Variants in ARHGAP26 observed in about 807,000 individuals in gnomAD.
The protein encoded by ARHGAP26 is Rho GTPase activating protein 26.
Under a neutral mutation model 104.8 loss-of-function variants are expected in ARHGAP26, and 38 were observed. That is an observed-to-expected ratio of 0.36 (90% confidence interval 0.28 to 0.48). ARHGAP26 has a LOEUF of 0.48. Among genes scored for constraint, ARHGAP26 ranks in the 20% least tolerant of loss-of-function variants. ARHGAP26 has a pLI of 0.99. For missense variants in ARHGAP26, 704 were observed against 947.9 expected (o/e 0.74, Z 3.38); for synonymous variants, 341 against 340.0 (o/e 1.00, Z -0.03).
chr5:143,145,501 C>T (rs1451869705), intron 19 of ARHGAP26, among the ~76,000 whole-genome samples: 3 of 152,268 alleles, frequency 2.0e-5, no homozygotes, highest in South Asian at 4.1e-4. Context: ...TTTACTGATA[C>T]TGATTCATAC....
chr5:143,142,134 C>CTTTTTTTTTT lies in ARHGAP26; in HGVS notation c.1838-5084_1838-5075dup, dbSNP rs762332039. ...AACAACAGATTGACTCTACTTTTCA[C>CTTTTTTTTTT]TTTTTTTTTTTTTTTTTTTTTTGAG... On this transcript the variant is annotated intron_variant, in intron 19 of 22. Coordinates refer to ENST00000645722, the MANE Select transcript of ARHGAP26 (RefSeq NM_001135608.3). Among the ~76,000 whole-genome samples the CTTTTTTTTTT allele has an allele frequency of 1.0e-4, 11 of 105,346 alleles. 1 individual carries two copies. Among genetic ancestry groups the CTTTTTTTTTT allele is most frequent in the African/African-American group, 2.8e-4 (7 of 24,610 alleles). The allele number at this position is 105,346 out of a possible 152,430, so 69.1% of individuals were successfully genotyped here.
intron 10 of ARHGAP26, among the ~76,000 whole-genome samples, chr5:142,916,853 A>G (rs1418409779): frequency 6.6e-6 from 1 of 152,080 alleles, no homozygotes; most frequent in Non-Finnish European, 1.5e-5. Flanking sequence ...TAAGCTGAAC[A>G]CTTTCATCCT....
intron 1 of ARHGAP26, among the ~76,000 whole-genome samples, chr5:142,792,550 C>G (rs996909316): frequency 6.6e-6 from 1 of 152,138 alleles, no homozygotes; most frequent in Admixed American, 6.5e-5. Flanking sequence ...TTTTTTCCTC[C>G]TTCTCCTCCA....
chr5:143,163,415 G>T (rs957407765), intron 20 of ARHGAP26, among the ~76,000 whole-genome samples: 2 of 151,464 alleles, frequency 1.3e-5, no homozygotes, highest in African/African-American at 4.9e-5. Context: ...GCTGTGAGTT[G>T]GGTAGAAGGA....
chr5:142,848,789 G>A (rs976985084), intron 1 of ARHGAP26, among the ~76,000 whole-genome samples: 2 of 152,168 alleles, frequency 1.3e-5, no homozygotes, highest in Non-Finnish European at 2.9e-5. Flanking sequence ...TAAGACAGGG[G>A]CCTGCTCCCT....
At chr5:142,959,863 C>A (rs1769920227) in intron 11 of ARHGAP26, among the ~76,000 whole-genome samples, 1 of 152,230 alleles carries the variant, frequency 6.6e-6, no homozygotes, top group African/African-American at 2.4e-5. Context: ...TTCTGCCAGC[C>A]ACATCTGACA....
intron 17 of ARHGAP26, among the ~76,000 whole-genome samples, chr5:143,097,360 G>GAAAAA (rs56116431): frequency 4.6e-4 from 29 of 63,256 alleles, no homozygotes; most frequent in Non-Finnish European, 8.0e-4. Context: ...TCAAAAAAAA[G>GAAAAA]AAAAAAAAAA....
At chr5:143,143,895 G>A (rs768907845) in intron 19 of ARHGAP26, among the ~76,000 whole-genome samples, 1 of 152,176 alleles carries the variant, frequency 6.6e-6, no homozygotes, top group Non-Finnish European at 1.5e-5. Context: ...GCCAATGCAT[G>A]CTTACCATTA....
intron 11 of ARHGAP26, among the ~76,000 whole-genome samples, chr5:142,948,143 G>A (rs977646832): frequency 1.3e-5 from 2 of 152,104 alleles, no homozygotes; most frequent in African/African-American, 4.8e-5. Context: ...GCACTTTCAA[G>A]CGATTCAGGA....
chr5:143,027,051 C>G (rs1196864547), intron 12 of ARHGAP26, among the ~76,000 whole-genome samples: 4 of 152,102 alleles, frequency 2.6e-5, no homozygotes, highest in African/African-American at 9.7e-5. Flanking sequence ...GAATATCTTA[C>G]AGGTAGAATA....
intron 17 of ARHGAP26, among the ~76,000 whole-genome samples, chr5:143,102,121 T>TA (rs1034504815): frequency 1.3e-5 from 2 of 152,090 alleles, no homozygotes; most frequent in African/African-American, 4.8e-5. Flanking sequence ...TTCTGAGTGA[T>TA]ATAGACAGCA....
At chr5:143,089,814 T>C (rs192910915) in intron 17 of ARHGAP26, among the ~76,000 whole-genome samples, 2 of 152,354 alleles carry the variant, frequency 1.3e-5, no homozygotes, top group Admixed American at 1.3e-4. Flanking sequence ...TAATTGTGTC[T>C]AAATAGACGT....
intron 20 of ARHGAP26, chr5:143,168,693 G>C (rs1422785471): frequency 6.6e-6 from 1 of 152,012 alleles, no homozygotes; most frequent in Non-Finnish European, 1.5e-5. Flanking sequence ...AAGGCTGTTT[G>C]GTTGCCTTGG....
rs374749733 is a variant in ARHGAP26 at position 143,001,529 on chromosome 5, A to G, written c.1108-12551A>G. On this transcript the variant is annotated intron_variant, in intron 11 of 22. Transcript: ENST00000645722. ...TAGAATGGAGGTGATGGGTATATGC[A>G]TGTTTACTGTCTCTTCTTTCATCTT... Among the ~76,000 whole-genome samples the G allele has an allele frequency of 5.4e-4, 82 of 152,360 alleles. 2 individuals carry two copies. The South Asian group carries it at 0.016, about 30-fold the overall frequency.
At chr5:143,038,924 G>C (rs768148341) in intron 13 of ARHGAP26, among the ~76,000 whole-genome samples, 8 of 151,932 alleles carry the variant, frequency 5.3e-5, no homozygotes, top group Non-Finnish European at 1.2e-4. Context: ...TCGATCTCCT[G>C]ATCTTGTGAT....
intron 17 of ARHGAP26, among the ~76,000 whole-genome samples, chr5:143,095,471 T>C (rs1469114603): frequency 6.6e-6 from 1 of 152,254 alleles, no homozygotes; most frequent in Non-Finnish European, 1.5e-5. Context: ...GTTTATGTTT[T>C]ACAGTATTGG....
intron 12 of ARHGAP26, among the ~76,000 whole-genome samples, chr5:143,029,059 G>A (rs539125612): frequency 6.6e-6 from 1 of 152,272 alleles, no homozygotes; most frequent in South Asian, 2.1e-4. Context: ...ACAGCCCAGG[G>A]AGCCCTGGCA....
At chr5:143,083,196 A>G (rs1361159680) in intron 17 of ARHGAP26, among the ~76,000 whole-genome samples, 1 of 152,194 alleles carries the variant, frequency 6.6e-6, no homozygotes, top group Non-Finnish European at 1.5e-5. Flanking sequence ...AGTTTACATT[A>G]TTAGGCCACG....
rs1011057678 is a variant in ARHGAP26 at position 143,037,145 on chromosome 5, A to T, written c.1145-51A>T. The T allele has an allele frequency of 2.0e-6, 3 of 1,505,014 alleles. No individual in the cohort carries two copies. In the Admixed American group the frequency reaches 5.1e-5, roughly 26 times the overall value. The allele number at this position is 1,505,014 out of a possible 1,614,324, so 93.2% of individuals were successfully genotyped here. A position where few individuals can be genotyped will look rare whatever the true frequency, so the allele number is the denominator to read the frequency against. Reference sequence around the variant, plus strand: ...CCTGGTTTGGTTAAGCCCTATCCTGAGGTTGATTTCCATGGCTAGCAACTT... The same window carrying T: ...CCTGGTTTGGTTAAGCCCTATCCTGTGGTTGATTTCCATGGCTAGCAACTT... On this transcript the variant is annotated intron_variant, in intron 12 of 22. Transcript: ENST00000645722.
Sources: allele counts gnomAD v4.1 joint callset (sites outside exome capture counted in the v4.1 genomes callset), GRCh38; gene constraint gnomAD v4.1.1; transcripts MANE v1.5; gene names NCBI Gene and HGNC (gene_info 2026-07-23, HGNC 2026-07-21).